Variants in SPIDR observed in about 807,000 individuals in gnomAD.
SPIDR encodes DNA repair-scaffolding protein.
A neutral mutation model predicts 104.6 loss-of-function variants in SPIDR; 93 were observed. That is an observed-to-expected ratio of 0.89 (90% CI 0.75 to 1.06). SPIDR has a LOEUF of 1.06. SPIDR is among the 50% of genes least tolerant of loss of function. The pLI is 0.00. For missense variants in SPIDR, 1,154 were observed against 1,111.2 expected, an observed-to-expected ratio of 1.04 and a Z score of -0.55; for synonymous variants, 431 against 416.9, an observed-to-expected ratio of 1.03 and a Z score of -0.41.
At chr8:47,471,025 T>C (rs1207630427) in intron 8 of SPIDR, among the ~76,000 whole-genome samples, 3 of 152,160 alleles carry the variant, frequency 2.0e-5, no homozygotes, top group African/African-American at 4.8e-5. Context: ...TGAGCCACCA[T>C]GCCCGGCCGA....
At chr8:47,281,926 A>G (rs1267993474) in intron 2 of SPIDR, among the ~76,000 whole-genome samples, 6 of 152,234 alleles carry the variant, frequency 3.9e-5, no homozygotes, top group Non-Finnish European at 8.8e-5. Context: ...ATAAGATTTG[A>G]AAGTCAGAAT....
At chr8:47,268,560 T>G (rs2034572369) in intron 1 of SPIDR, among the ~76,000 whole-genome samples, 1 of 152,344 alleles carries the variant, frequency 6.6e-6, no homozygotes, top group East Asian at 1.9e-4. Flanking sequence ...AAGAGTTTTA[T>G]TCTTTTTGAT....
chr8:47,511,382 C>A (rs2082296324), intron 8 of SPIDR: 1 of 935,050 alleles, frequency 1.1e-6, no homozygotes. Flanking sequence ...TGACCCTCGC[C>A]AGTGAAGGCT....
intron 7 of SPIDR, among the ~76,000 whole-genome samples, chr8:47,425,522 A>G (rs1242331568): frequency 1.3e-5 from 2 of 152,202 alleles, no homozygotes; most frequent in Admixed American, 6.5e-5. Context: ...ACCTCTGTCT[A>G]GTTTCTCAGC....
chr8:47,462,441 C>G (rs2154353667), intron 8 of SPIDR, among the ~76,000 whole-genome samples: 1 of 152,254 alleles, frequency 6.6e-6, no homozygotes, highest in African/African-American at 2.4e-5. Context: ...GAGCTGCTGT[C>G]TGTCCGGGTG....
intron 5 of SPIDR, among the ~76,000 whole-genome samples, chr8:47,370,280 G>A (rs1413206281): frequency 1.3e-5 from 2 of 152,008 alleles, no homozygotes; most frequent in African/African-American, 4.8e-5. Context: ...TGCATAGGAG[G>A]CGCAATGTTG....
At chr8:47,449,093 A>G (rs1213200740) in intron 8 of SPIDR, among the ~76,000 whole-genome samples, 3 of 152,148 alleles carry the variant, frequency 2.0e-5, no homozygotes, top group Non-Finnish European at 4.4e-5. Flanking sequence ...TCAAGTGTGG[A>G]AAAAGGTGGT....
At chr8:47,560,441 C>G (rs185442441) in intron 8 of SPIDR, among the ~76,000 whole-genome samples, 12 of 152,246 alleles carry the variant, frequency 7.9e-5, no homozygotes, top group African/African-American at 2.9e-4. Context: ...TGCAGCTGTC[C>G]TCTTGCAGCT....
intron 5 of SPIDR, among the ~76,000 whole-genome samples, chr8:47,333,159 G>A (rs535113788): frequency 6.6e-6 from 1 of 152,138 alleles, no homozygotes; most frequent in South Asian, 2.1e-4. Flanking sequence ...AGGTCTTCAG[G>A]GGCAGTAACA....
intron 10 of SPIDR, among the ~76,000 whole-genome samples, chr8:47,619,455 C>T (rs1358234675): frequency 2.0e-5 from 3 of 152,262 alleles, no homozygotes; most frequent in Non-Finnish European, 4.4e-5. Flanking sequence ...TGTGCAGCTC[C>T]CTTTCCTAGA....
At chr8:47,545,970 A>G (rs917275085) in intron 8 of SPIDR, among the ~76,000 whole-genome samples, 2 of 152,182 alleles carry the variant, frequency 1.3e-5, no homozygotes, top group African/African-American at 2.4e-5. Flanking sequence ...GCATCCCTGG[A>G]ATAAACTCAT....
chr8:47,483,758 G>A (rs1014448216), intron 8 of SPIDR, among the ~76,000 whole-genome samples: 3 of 152,164 alleles, frequency 2.0e-5, no homozygotes, highest in Non-Finnish European at 4.4e-5. Context: ...AGTCCCAGCT[G>A]TATAGACTTT....
chr8:47,555,344 A>G (rs2091192113), intron 8 of SPIDR, among the ~76,000 whole-genome samples: 1 of 152,192 alleles, frequency 6.6e-6, no homozygotes, highest in South Asian at 2.1e-4. Context: ...GGTGCCTAGG[A>G]TGTGCCTAGT....
chr8:47,705,894 C>G (rs998559594), intron 14 of SPIDR, among the ~76,000 whole-genome samples: 1 of 150,214 alleles, frequency 6.7e-6, no homozygotes, highest in Non-Finnish European at 1.5e-5. Context: ...GAGTGAGACC[C>G]TGTCTCAAAA....
intron 8 of SPIDR, among the ~76,000 whole-genome samples, chr8:47,442,680 C>G (rs1042948039): frequency 1.1e-4 from 17 of 152,180 alleles, no homozygotes; most frequent in Non-Finnish European, 2.2e-4. Context: ...TCATTAGTGT[C>G]TAAGTTCATT....
At chr8:47,330,977 A>G (rs975653381) in intron 5 of SPIDR, 1 of 338,670 alleles carries the variant, frequency 3.0e-6, no homozygotes, top group Non-Finnish European at 5.9e-6. Flanking sequence ...CACCAGCAAA[A>G]GAGTTCCTGT....
chr8:47,377,212 T>C (rs1357734351), intron 5 of SPIDR, among the ~76,000 whole-genome samples: 1 of 152,220 alleles, frequency 6.6e-6, no homozygotes, highest in Admixed American at 6.5e-5. Context: ...CTATACCTGA[T>C]TACCACCAGG....
At chr8:47,292,411 A>G (rs1004808826) in intron 4 of SPIDR, among the ~76,000 whole-genome samples, 2 of 152,122 alleles carry the variant, frequency 1.3e-5, no homozygotes, top group South Asian at 2.1e-4. Flanking sequence ...TATTGATTCA[A>G]CCATATTAAA....
intron 5 of SPIDR, among the ~76,000 whole-genome samples, chr8:47,334,009 A>C (rs2049246569): frequency 6.6e-6 from 1 of 152,242 alleles, no homozygotes; most frequent in Non-Finnish European, 1.5e-5. Context: ...GAAAACGTTT[A>C]TAAATTTCTC....
Sources: allele counts gnomAD v4.1 joint callset (sites outside exome capture counted in the v4.1 genomes callset), GRCh38; gene constraint gnomAD v4.1.1; transcripts MANE v1.5; gene names NCBI Gene and HGNC (gene_info 2026-07-23, HGNC 2026-07-21).